The following TIA1 variants were observed in gnomAD, a reference collection of about 807,000 sequenced individuals.
The protein encoded by TIA1 is TIA1 cytotoxic granule associated RNA binding protein, also known as cytotoxic granule associated RNA binding protein TIA1.
In TIA1, 23 loss-of-function variants were observed where a neutral mutation model predicts 65.9. The ratio of observed to expected loss-of-function variants is 0.35; its 90% CI spans 0.25 to 0.49. TIA1 has a LOEUF of 0.49. Among genes scored for constraint, TIA1 ranks in the 20% least tolerant of loss-of-function variants. The probability of loss-of-function intolerance (pLI) is 0.98; values close to 1 mark genes in which losing one functional copy is unlikely to be tolerated. For missense variants in TIA1, 371 were observed against 477.9 expected (o/e 0.78, Z 2.09); for synonymous variants, 147 against 149.4 (o/e 0.98, Z 0.12).
At chr2:70,218,966 T>C (rs1679976925) in intron 7 of TIA1, among the ~76,000 whole-genome samples, 3 of 151,902 alleles carry the variant, frequency 2.0e-5, no homozygotes, top group East Asian at 1.9e-4. Flanking sequence ...TCTAGAGAAA[T>C]TGGAAAGACA....
intron 5 of TIA1, chr2:70,228,266 T>TA (rs1684653959): frequency 8.6e-7 from 1 of 1,159,928 alleles, no homozygotes; most frequent in Non-Finnish European, 1.1e-6. Context: ...TTGCCTCAGT[T>TA]AACACAATTT....
At chr2:70,224,794 G>A in intron 6 of TIA1, 165 bp from the exon 7 acceptor site, 1 of 1,387,940 alleles carries the variant, frequency 7.2e-7, no homozygotes, top group Non-Finnish European at 9.4e-7. Context: ...AGGAAATGAG[G>A]CTTAATTTTA....
chr2:70,220,129 G>C (rs778344076), intron 7 of TIA1, among the ~76,000 whole-genome samples: 1 of 152,130 alleles, frequency 6.6e-6, no homozygotes, highest in African/African-American at 2.4e-5. Flanking sequence ...GTAAAGATCA[G>C]ACTGGGCACG....
At chr2:70,240,599 T>C (rs1279321744) in intron 1 of TIA1, among the ~76,000 whole-genome samples, 1 of 152,198 alleles carries the variant, frequency 6.6e-6, no homozygotes, top group African/African-American at 2.4e-5. Context: ...CTGGGCACAG[T>C]GGCTCAAGCC....
chr2:70,228,100 ATAAAC>A (rs1224160956), intron 5 of TIA1, among the ~76,000 whole-genome samples: 3 of 152,338 alleles, frequency 2.0e-5, no homozygotes, highest in Admixed American at 6.5e-5. Context: ...GTCTAAGAAA[ATAAAC>A]TAATAACATA....
At chr2:70,218,558 C>G (rs1388462238) in intron 7 of TIA1, among the ~76,000 whole-genome samples, 2 of 152,278 alleles carry the variant, frequency 1.3e-5, no homozygotes, top group East Asian at 3.9e-4. Flanking sequence ...AGGTGCCAGC[C>G]ACCAAGCCCG....
intron 2 of TIA1, among the ~76,000 whole-genome samples, chr2:70,233,913 T>A (rs1687657717): frequency 6.6e-6 from 1 of 152,206 alleles, no homozygotes; most frequent in Non-Finnish European, 1.5e-5. Flanking sequence ...GCATAAAATT[T>A]ATAAATGTGA....
chr2:70,214,868 G>C (rs893425575), intron 11 of TIA1, among the ~76,000 whole-genome samples: 2 of 152,038 alleles, frequency 1.3e-5, no homozygotes, highest in African/African-American at 4.8e-5. Flanking sequence ...GCTTACTTAA[G>C]ACACTTATAT....
intron 10 of TIA1, 162 bp from the exon 11 acceptor site, chr2:70,215,656 CTTGTG>C: frequency 1.6e-6 from 1 of 614,402 alleles, no homozygotes; most frequent in East Asian, 3.0e-5. Flanking sequence ...TCTGGGGCAA[CTTGTG>C]TTAACAAAGA....
chr2:70,239,053 G>A (rs1467229124), intron 1 of TIA1, among the ~76,000 whole-genome samples: 1 of 152,110 alleles, frequency 6.6e-6, no homozygotes, highest in African/African-American at 2.4e-5. Context: ...CCAGGTGACA[G>A]AGCAAAACTC....
chr2:70,234,559 C>A (rs1687929216), intron 2 of TIA1, among the ~76,000 whole-genome samples: 1 of 152,026 alleles, frequency 6.6e-6, no homozygotes, highest in African/African-American at 2.4e-5. Context: ...AAATCAAAGC[C>A]AATTGGATAA....
intron 12 of TIA1, among the ~76,000 whole-genome samples, chr2:70,214,039 T>TA (rs1280584080): frequency 6.6e-6 from 1 of 152,178 alleles, no homozygotes; most frequent in Non-Finnish European, 1.5e-5. Context: ...TCAGGGTGTA[T>TA]AAGGAAGCTT....
At chr2:70,224,846 T>C (rs1169759086) in intron 6 of TIA1, 2 of 1,297,540 alleles carry the variant, frequency 1.5e-6, no homozygotes, top group East Asian at 2.9e-5. Flanking sequence ...TGTATATTTA[T>C]ATTGTACAGA....
chr2:70,248,534 C>T lies in TIA1; in HGVS notation c.-104G>A. The T allele has an allele frequency of 6.4e-7, 1 of 1,559,874 alleles. No homozygotes were observed. The highest frequency in any genetic ancestry group is 8.7e-7 in the Non-Finnish European group (1 of 1,149,220). ...GCTACAGGATAGTGGGGTTTCTCGG[C>T]TGACCAGAGGTTACTCCGCCTCCTC... On this transcript the variant is annotated 5_prime_UTR_variant, in exon 1 of 13. Transcript: ENST00000433529.
In TIA1 at chr2:70,248,410, C is replaced by T. The variant is rs778955345; in HGVS notation, c.21G>A (p.Lys7=). The T allele has an allele frequency of 1.9e-6, 3 of 1,600,564 alleles. No individual in the cohort carries two copies. In the South Asian group the frequency reaches 3.3e-5, roughly 18 times the overall value. ...CATCGCTGCCCCAGACTCACAGAGT[C>T]TTGGGCATCTCGTCCTCCATGGCTG... MEDEMP[K]TLYVGNLSRD... The change falls in exon 1 of 13, where the codon AAG becomes AAA. Residue 7 remains lysine, a synonymous_variant. Transcript: ENST00000433529.
intron 1 of TIA1, among the ~76,000 whole-genome samples, chr2:70,238,201 T>C (rs1465884300): frequency 2.7e-5 from 4 of 150,800 alleles, no homozygotes; most frequent in Non-Finnish European, 5.9e-5. Context: ...CTAAAAGGCA[T>C]TGCAATTATT....
chr2:70,212,597 TTAAA>T lies in TIA1; in HGVS notation c.*118_*121del, dbSNP rs1676759619. On this transcript the variant is annotated 3_prime_UTR_variant, in exon 13 of 13. Coordinates refer to ENST00000433529, the MANE Select transcript of TIA1 (RefSeq NM_022173.4). ...AATTTCATGATTAAAAATGAATCTT[TTAAA>T]TAAATACATTGTATCTGACATTTGC... The T allele has an allele frequency of 5.1e-6, 3 of 584,068 alleles. No homozygotes were observed. Among genetic ancestry groups the T allele is most frequent in the Non-Finnish European group, 9.3e-6 (3 of 321,938 alleles). 36.2% of individuals were successfully genotyped at this position (584,068 alleles called of 1,614,324 possible).
intron 7 of TIA1, among the ~76,000 whole-genome samples, chr2:70,221,312 A>T (rs775727205): frequency 5.3e-4 from 78 of 147,604 alleles, no homozygotes; most frequent in Admixed American, 2.8e-3. Flanking sequence ...GCCTTTTTTT[A>T]AAAAAAAATT....
intron 1 of TIA1, among the ~76,000 whole-genome samples, chr2:70,243,870 C>T (rs1321153639): frequency 6.6e-6 from 1 of 152,226 alleles, no homozygotes; most frequent in Non-Finnish European, 1.5e-5. Flanking sequence ...ACTACAATTA[C>T]AGGCACTGCT....
Sources: gnomAD v4.1 joint callset for allele counts (sites outside exome capture counted in the v4.1 genomes callset) on GRCh38, gnomAD v4.1.1 for gene constraint, MANE v1.5 for transcripts, NCBI Gene and HGNC (gene_info 2026-07-23, HGNC 2026-07-21) for gene names.